PTCD1: variants seen among roughly 807,000 people sequenced by gnomAD.
The protein encoded by PTCD1 is pentatricopeptide repeat-containing protein 1, mitochondrial.
Under a neutral mutation model 53.4 loss-of-function variants are expected in PTCD1, and 50 were observed. The observed-to-expected ratio is 0.94, with a 90% confidence interval of 0.75 to 1.19. PTCD1 has a LOEUF of 1.19. Ranked by LOEUF, PTCD1 falls within the 50% of genes most tolerant of loss-of-function variation. The probability of loss-of-function intolerance (pLI) is 0.00; values close to 1 mark genes in which losing one functional copy is unlikely to be tolerated. For missense variants in PTCD1, 918 were observed against 904.8 expected (o/e 1.01, Z -0.19); for synonymous variants, 413 against 394.8 (o/e 1.05, Z -0.55).
rs779285962 is a variant in PTCD1, at chr7:99,425,286, T to C, written c.1246A>G (p.Thr416Ala). ...VPGKAQPEVD[T>A]KAEPSHTAAL... ...GCTGTGTGGCTGGGCTCTGCCTTAGTATCCACCTCTGGTTGGGCCTTGCCG... is the reference window on the plus strand; with the variant it reads ...GCTGTGTGGCTGGGCTCTGCCTTAGCATCCACCTCTGGTTGGGCCTTGCCG... The change falls in exon 6 of 8, where the codon ACT becomes GCT. Residue 416 changes from threonine (T) to alanine (A), a missense_variant. Transcript: ENST00000292478. The C allele has an allele frequency of 1.2e-4, 187 of 1,614,054 alleles. No homozygotes were observed. Among genetic ancestry groups the C allele is most frequent in the Admixed American group, 3.3e-4 (20 of 60,022 alleles).
chr7:99,429,380 G>T (rs568826010), intron 4 of PTCD1, among the ~76,000 whole-genome samples, 176 bp from the exon 5 acceptor site: 1 of 152,050 alleles, frequency 6.6e-6, no homozygotes, highest in African/African-American at 2.4e-5. Context: ...GCCTTCCCTC[G>T]AGTGCACAAA....
chr7:99,423,823 G>A lies in PTCD1; in HGVS notation c.1872C>T (p.Val624=). The A allele has an allele frequency of 6.2e-7, 1 of 1,614,142 alleles. No individual in the cohort carries two copies. The highest frequency in any genetic ancestry group is 8.5e-7 in the Non-Finnish European group (1 of 1,180,032). ...GGGCTGCAAACTCCAGCTGGCGGAT[G>A]ACCACTTCGTTCACCGGGACCCTGT... The part of the protein sequence containing the change: ...KQNRVPVNEV[V]IRQLEFAAQY... Residue 624 remains valine (V), a synonymous_variant, in exon 7 of 8, where the codon GTC becomes GTT. Transcript: ENST00000292478.
At chr7:99,420,180 TC>T in intron 7 of PTCD1, 31 bp from the exon 8 acceptor site, 1 of 1,613,552 alleles carries the variant, frequency 6.2e-7, no homozygotes, top group East Asian at 2.2e-5. Context: ...CTAGAATCAC[TC>T]CTGTTACCTA....
intron 5 of PTCD1, 65 bp from the exon 6 acceptor site, chr7:99,425,681 C>A: frequency 4.5e-6 from 7 of 1,546,720 alleles, no homozygotes; most frequent in Non-Finnish European, 6.1e-6. Flanking sequence ...AGGGCTCACG[C>A]CTGGAATCCC....
At position 99,417,653 on chromosome 7, in the gene PTCD1, A is replaced by G. The variant is rs774910070; in HGVS notation, c.*2314T>C. 4 of 1,596,942 alleles carry G rather than the reference A, an allele frequency of 2.5e-6. No individual in the cohort carries two copies. In the East Asian group the frequency reaches 8.9e-5, roughly 36 times the overall value. The stretch of plus-strand genomic sequence containing the variant: ...TCAGCTCAAAATTCTGCCTTAGTCG[A>G]CTGCAAGGGATCTTATGTTATTTGG... On this transcript the variant is annotated 3_prime_UTR_variant, in exon 8 of 8. Transcript: ENST00000292478.
rs529991427 is a variant in PTCD1 at position 99,435,033 on chromosome 7, C to T, written c.210G>A (p.Pro70=). The change falls in exon 2 of 8, where the codon CCG becomes CCA. Residue 70 remains proline (P), a synonymous_variant. Transcript: ENST00000292478. ...GCGTGGCCGTGGAGTTGGAGTGGCT[C>T]GGGTCAGAGCCCAGGCTGCCCGTGT... is the stretch of plus-strand genomic sequence containing the variant. ...QENTGSLGSD[P]SHSNSTATQE... is the part of the protein sequence containing the mutation. 16 of 1,613,836 alleles carry T rather than the reference C, an allele frequency of 9.9e-6. No individual in the cohort carries two copies. In the East Asian group the frequency reaches 1.1e-4, roughly 11 times the overall value.
chr7:99,431,814 C>G lies in PTCD1; in HGVS notation c.594+1464G>C, dbSNP rs190840091. On this transcript the variant is annotated intron_variant, in intron 3 of 7. Transcript: ENST00000292478. Reference sequence around the variant, plus strand: ...GTGTCTATGTAGAAAGAAGTAGACACAAGAAACTCCATTTTGTTCTGTACT... The same window carrying G: ...GTGTCTATGTAGAAAGAAGTAGACAGAAGAAACTCCATTTTGTTCTGTACT... Among the ~76,000 whole-genome samples, 641 of 152,322 alleles carry G rather than the reference C, an allele frequency of 4.2e-3. 2 individuals are homozygous for G. The highest frequency in any genetic ancestry group is 0.015 in the African/African-American group (613 of 41,564).
intron 5 of PTCD1, 44 bp downstream of exon 5, chr7:99,429,059 G>A: frequency 6.2e-7 from 1 of 1,609,152 alleles, no homozygotes; most frequent in South Asian, 1.1e-5. Context: ...TGCACCTCTG[G>A]CACCGGGGAA....
Position 99,425,141 on chromosome 7 carries a change from C to T in PTCD1, c.1391G>A (p.Arg464Gln), listed in dbSNP as rs373268743. 85 of 1,613,900 alleles carry T rather than the reference C, an allele frequency of 5.3e-5. No homozygotes were observed. Among genetic ancestry groups the T allele is most frequent in the Non-Finnish European group, 6.4e-5 (76 of 1,179,960 alleles). Residue 464 changes from arginine (R) to glutamine (Q), a missense_variant, in exon 6 of 8, where the codon CGG becomes CAG. By Grantham distance (43) the Arg-to-Gln change is conservative. Coordinates refer to ENST00000292478, the MANE Select transcript of PTCD1 (RefSeq NM_015545.4). ...SFGTVTTPAD[R>Q]LALIGGLEGF... ...CTCCAGGCCCCCTATCAAGGCCAGC[C>T]GGTCAGCTGGGGTGGTCACCGTTCC...
chr7:99,420,948 A>G (rs771075024), intron 7 of PTCD1, among the ~76,000 whole-genome samples: 8 of 151,328 alleles, frequency 5.3e-5, no homozygotes, highest in Non-Finnish European at 8.9e-5. Context: ...CTCCATCTCA[A>G]AAAAAAACAA....
At position 99,434,940 on chromosome 7, in the gene PTCD1, T is replaced by C. The variant is rs1287526176; in HGVS notation, c.303A>G (p.Leu101=). Residue 101 remains leucine, a synonymous_variant, in exon 2 of 8, where the codon CTA becomes CTG. Coordinates refer to ENST00000292478, the MANE Select transcript of PTCD1 (RefSeq NM_015545.4). ...GGAACTGGGCTGCGGATTTGCGGAA[T>C]AGTCTCCGGGAGGAGTATTTGTCAG... ...TLSDKYSSRR[L]FRKSAAQFHN... 3.7e-6 allele frequency: 6 copies of C among 1,614,242 alleles called. No individual in the cohort carries two copies. Among genetic ancestry groups the C allele is most frequent in the South Asian group, 1.1e-5 (1 of 91,086 alleles).
intron 3 of PTCD1, among the ~76,000 whole-genome samples, chr7:99,432,634 A>G (rs527754150): frequency 6.6e-6 from 1 of 152,238 alleles, no homozygotes; most frequent in Non-Finnish European, 1.5e-5. Flanking sequence ...CGGGATGCTG[A>G]GCGTATGCTG....
Position 99,435,255 on chromosome 7 carries a change from T to C in PTCD1, c.-13A>G. ...TCACGAAGTCCATTTCTGGCTTTCCTGTCCCTCCAGGGCCTGGAATATATC... is the reference window on the plus strand; with the variant it reads ...TCACGAAGTCCATTTCTGGCTTTCCCGTCCCTCCAGGGCCTGGAATATATC... On this transcript the variant is annotated 5_prime_UTR_variant, in exon 2 of 8. Coordinates refer to ENST00000292478, the MANE Select transcript of PTCD1 (RefSeq NM_015545.4). 1 of 1,600,934 alleles carries C rather than the reference T, an allele frequency of 6.2e-7. No individual in the cohort carries two copies. The highest frequency in any genetic ancestry group is 1.3e-5 in the African/African-American group (1 of 75,074).
At position 99,425,460 on chromosome 7, in the gene PTCD1, C is replaced by G. The variant is rs762933967; in HGVS notation, c.1072G>C (p.Val358Leu). 6.2e-7 allele frequency: 1 copy of G among 1,613,806 alleles called. No homozygotes were observed. ...REEATVLQPP[V>L]SRQRPRRTAQ... ...GTCCTCCTTGGCCGCTGCCTGCTCA[C>G]TGGGGGCTGAAGCACAGTCGCCTCC... is the stretch of plus-strand genomic sequence containing the variant. Residue 358 changes from valine to leucine, a missense_variant, in exon 6 of 8, where the codon GTG becomes CTG. Transcript: ENST00000292478.
Position 99,438,539 on chromosome 7 carries a change from G to C in PTCD1, c.-27+153C>G, listed in dbSNP as rs1796589446. 9.7e-6 allele frequency: 11 copies of C among 1,129,624 alleles called. No individual in the cohort carries two copies. In the South Asian group the frequency reaches 2.0e-4, roughly 20 times the overall value. The allele number at this position is 1,129,624 out of a possible 1,614,324, so 70.0% of individuals were successfully genotyped here. ...CTCAGAGGCCCACCCGGACCCTCAG[G>C]CCAACGCCGACCCCTCTCCACACGG... On this transcript the variant is annotated intron_variant, in intron 1 of 7. Transcript: ENST00000292478.
Position 99,434,830 on chromosome 7 carries a change from C to T in PTCD1, c.413G>A (p.Trp138Ter), listed in dbSNP as rs765961761. The change falls in exon 2 of 8, where the codon TGG becomes TAG. Residue 138 changes from tryptophan (W) to a stop codon, truncating the protein, a stop_gained. Coordinates refer to ENST00000292478, the MANE Select transcript of PTCD1 (RefSeq NM_015545.4). LOFTEE classifies it high-confidence loss of function. The part of the protein sequence containing the change: ...LWRGRRNTPY[W>*]YFLQCKHLIK... ...CAGGTGTTTGCACTGCAAGAAGTAC[C>T]AGTACGGGGTGTTTCTCCGGCCTCG... 1 of 1,614,132 alleles carries T rather than the reference C, an allele frequency of 6.2e-7. No homozygotes were observed. Among genetic ancestry groups the T allele is most frequent in the Non-Finnish European group, 8.5e-7 (1 of 1,180,020 alleles).
At position 99,429,736 on chromosome 7, in the gene PTCD1, G is replaced by A. The variant is rs1796187856; in HGVS notation, c.665C>T (p.Pro222Leu). The A allele has an allele frequency of 6.2e-7, 1 of 1,614,214 alleles. No individual in the cohort carries two copies. The highest frequency in any genetic ancestry group is 8.5e-7 in the Non-Finnish European group (1 of 1,180,044). Residue 222 changes from proline (P) to leucine (L), a missense_variant, in exon 4 of 8, where the codon CCC becomes CTC. Pro to Leu is a moderately conservative substitution (Grantham distance 98). Coordinates refer to ENST00000292478, the MANE Select transcript of PTCD1 (RefSeq NM_015545.4). ...GCTCTGTAGAGCTGAGTCCTTCCAG[G>A]GGGACTCGGCACAGACGTTGAACAG... is the stretch of plus-strand genomic sequence containing the variant. The part of the protein sequence containing the change: ...TALFNVCAES[P>L]WKDSALQSAL...
In PTCD1 at chr7:99,418,363, C is replaced by G. The variant is rs554561127; in HGVS notation, c.*1604G>C. 6.5e-6 allele frequency: 1 copy of G among 154,994 alleles called. No homozygotes were observed. Among genetic ancestry groups the G allele is most frequent in the Admixed American group, 6.3e-5 (1 of 15,920 alleles). 9.6% of individuals were successfully genotyped at this position (154,994 alleles called of 1,614,324 possible). The stretch of plus-strand genomic sequence containing the variant: ...TGAGGGACAGGAGCTGAGCTCCATC[C>G]GGTTCCAAGCCCCTCTGAAAGGCAG... On this transcript the variant is annotated 3_prime_UTR_variant, in exon 8 of 8. Coordinates refer to ENST00000292478, the MANE Select transcript of PTCD1 (RefSeq NM_015545.4).
chr7:99,430,998 C>T (rs1796229117), intron 3 of PTCD1, among the ~76,000 whole-genome samples: 1 of 152,072 alleles, frequency 6.6e-6, no homozygotes, highest in Admixed American at 6.6e-5. Context: ...TTGCTTGAAC[C>T]TGGGAGGTGG....
Sources: gnomAD v4.1 joint callset for allele counts (sites outside exome capture counted in the v4.1 genomes callset) on GRCh38, gnomAD v4.1.1 for gene constraint, MANE v1.5 for transcripts, NCBI Gene and HGNC (gene_info 2026-07-23, HGNC 2026-07-21) for gene names.